FER: variants seen among roughly 807,000 people sequenced by gnomAD.
FER encodes tyrosine-protein kinase Fer.
A neutral mutation model predicts 111.0 loss-of-function variants in FER; 63 were observed. That is an observed-to-expected ratio of 0.57 (90% CI 0.46 to 0.70). The LOEUF (loss-of-function observed/expected upper bound fraction) is 0.70. Among genes scored for constraint, FER ranks in the 30% least tolerant of loss-of-function variants. The pLI is 0.00. For synonymous variants in FER, 327 were observed against 313.9 expected (o/e 1.04, Z -0.44); for missense variants, 914 against 954.0 (o/e 0.96, Z 0.55).
At chr5:108,932,774 G>A (rs1754875816) in intron 10 of FER, among the ~76,000 whole-genome samples, 1 of 147,282 alleles carries the variant, frequency 6.8e-6, no homozygotes, top group Admixed American at 6.7e-5. Flanking sequence ...CTAATGACCA[G>A]TGATGATGAG....
chr5:109,140,631 A>G (rs558786426), intron 17 of FER, among the ~76,000 whole-genome samples: 1 of 152,340 alleles, frequency 6.6e-6, no homozygotes, highest in African/African-American at 2.4e-5. Flanking sequence ...GTTTTATGCT[A>G]CCCTTATGAA....
intron 2 of FER, among the ~76,000 whole-genome samples, chr5:108,770,596 G>T (rs775036550): frequency 3.3e-5 from 5 of 151,818 alleles, no homozygotes; most frequent in African/African-American, 1.2e-4. Context: ...TGTGCAGGCT[G>T]TTCTCCTGAG....
rs1343802792 is a variant in FER at position 109,013,289 on chromosome 5, CTCA to C, written c.1657-24131_1657-24129del. On this transcript the variant is annotated intron_variant, in intron 13 of 19. Coordinates refer to ENST00000281092, the MANE Select transcript of FER (RefSeq NM_005246.4). ...GTACCCCTTCCTGTGTCCATGTGTTCTCATTGTTCAATTCCCACCTATGAGTGA... is the reference window on the plus strand; with the variant it reads ...GTACCCCTTCCTGTGTCCATGTGTTCTTGTTCAATTCCCACCTATGAGTGA... 2.2e-5 allele frequency among the ~76,000 whole-genome samples: 3 copies of C among 136,164 alleles called. No homozygotes were observed. In the South Asian group the frequency reaches 7.1e-4, roughly 32 times the overall value. 89.3% of individuals were successfully genotyped at this position (136,164 alleles called of 152,430 possible).
At chr5:109,076,584 C>T (rs1021125638) in intron 16 of FER, among the ~76,000 whole-genome samples, 4 of 152,050 alleles carry the variant, frequency 2.6e-5, no homozygotes, top group African/African-American at 9.7e-5. Flanking sequence ...ACTACAGGGG[C>T]ATGCCACCAC....
At chr5:108,877,078 A>G (rs892484582) in intron 8 of FER, among the ~76,000 whole-genome samples, 4 of 152,142 alleles carry the variant, frequency 2.6e-5, no homozygotes, top group Non-Finnish European at 5.9e-5. Context: ...GTTACAGAGG[A>G]TGATACCAAT....
At chr5:109,075,060 G>A (rs1776162094) in intron 16 of FER, among the ~76,000 whole-genome samples, 1 of 152,144 alleles carries the variant, frequency 6.6e-6, no homozygotes. Flanking sequence ...AAAATTCTGT[G>A]TGTATATATC....
chr5:109,012,012 C>T (rs926674595), intron 13 of FER, among the ~76,000 whole-genome samples: 3 of 152,190 alleles, frequency 2.0e-5, no homozygotes, highest in Admixed American at 6.5e-5. Flanking sequence ...CCAGCAGAGC[C>T]TACTTCTCTA....
intron 3 of FER, among the ~76,000 whole-genome samples, chr5:108,812,694 T>G (rs968009699): frequency 1.3e-5 from 2 of 152,140 alleles, no homozygotes; most frequent in Admixed American, 6.6e-5. Flanking sequence ...GTGACTATTT[T>G]TATCTCCTTT....
intron 10 of FER, among the ~76,000 whole-genome samples, chr5:108,900,113 A>AT (rs1215948523): frequency 4.6e-5 from 7 of 152,178 alleles, no homozygotes; most frequent in Admixed American, 4.6e-4. Flanking sequence ...GTCATTAAGG[A>AT]TTTTTTTGTA....
intron 17 of FER, among the ~76,000 whole-genome samples, chr5:109,146,284 A>ATATC (rs1348298562): frequency 8.3e-6 from 1 of 121,122 alleles, no homozygotes; most frequent in South Asian, 2.4e-4. Flanking sequence ...ATATATATAT[A>ATATC]TATATATCTT....
At chr5:109,147,472 A>C (rs530012586) in intron 17 of FER, among the ~76,000 whole-genome samples, 1 of 152,174 alleles carries the variant, frequency 6.6e-6, no homozygotes, top group African/African-American at 2.4e-5. Flanking sequence ...GAAAGACTAC[A>C]GACATGCAAC....
intron 10 of FER, among the ~76,000 whole-genome samples, chr5:108,936,251 TA>T (rs1755457429): frequency 6.6e-6 from 1 of 152,076 alleles, no homozygotes; most frequent in Admixed American, 6.6e-5. Context: ...TTCTGCTTAA[TA>T]TAAAAAATAC....
chr5:108,749,276 G>C (rs1046946788), intron 1 of FER, among the ~76,000 whole-genome samples: 1 of 152,118 alleles, frequency 6.6e-6, no homozygotes, highest in African/African-American at 2.4e-5. Flanking sequence ...TACACACCCA[G>C]CCCCACGAGG....
chr5:108,800,544 G>A (rs1756529280), intron 3 of FER, among the ~76,000 whole-genome samples: 1 of 151,908 alleles, frequency 6.6e-6, no homozygotes, highest in South Asian at 2.1e-4. Context: ...ATAGAAACGG[G>A]GTCTCAGTAT....
chr5:108,843,806 T>A (rs1761527687), intron 5 of FER, among the ~76,000 whole-genome samples: 2 of 152,200 alleles, frequency 1.3e-5, no homozygotes, highest in East Asian at 1.9e-4. Context: ...GGATTACAGG[T>A]GTGAGCCACC....
rs1775425491 is a variant in FER at position 109,068,776 on chromosome 5, T to A, written c.1924+21578T>A. ...TAATATATGTAAAGAATGTGGCTCA[T>A]TTCTTAACTCATTCTGAGTTCTTAG... On this transcript the variant is annotated intron_variant, in intron 16 of 19. Coordinates refer to ENST00000281092, the MANE Select transcript of FER (RefSeq NM_005246.4). Among the ~76,000 whole-genome samples the A allele has an allele frequency of 2.0e-5, 3 of 152,208 alleles. No individual in the cohort carries two copies. The South Asian group carries it at 6.2e-4, about 31-fold the overall frequency.
At chr5:108,942,692 T>C (rs987311163) in intron 10 of FER, among the ~76,000 whole-genome samples, 2 of 152,184 alleles carry the variant, frequency 1.3e-5, no homozygotes, top group African/African-American at 4.8e-5. Flanking sequence ...TACTTATAAA[T>C]GCATTTTTTT....
At chr5:109,076,060 A>AT (rs1776302578) in intron 16 of FER, among the ~76,000 whole-genome samples, 2 of 151,950 alleles carry the variant, frequency 1.3e-5, no homozygotes, top group South Asian at 4.1e-4. Flanking sequence ...ATCAGTCTAT[A>AT]TTTTTCCGAT....
chr5:109,183,436 A>G (rs1003134381), intron 18 of FER, among the ~76,000 whole-genome samples: 1 of 152,030 alleles, frequency 6.6e-6, no homozygotes, highest in African/African-American at 2.4e-5. Flanking sequence ...TTTAGTAGAG[A>G]CAGGGTTTTA....
Sources: allele counts gnomAD v4.1 joint callset (sites outside exome capture counted in the v4.1 genomes callset), GRCh38; gene constraint gnomAD v4.1.1; transcripts MANE v1.5; gene names NCBI Gene and HGNC (gene_info 2026-07-23, HGNC 2026-07-21).